RBM20: variants seen among roughly 807,000 people sequenced by gnomAD.
The protein encoded by RBM20 is RNA-binding protein 20.
In RBM20, 51 loss-of-function variants were observed where a neutral mutation model predicts 110.1. That is an observed-to-expected ratio of 0.46 (90% CI 0.37 to 0.59). The LOEUF (loss-of-function observed/expected upper bound fraction) is 0.59, where lower values mean the gene tolerates loss of function less well. Among genes scored for constraint, RBM20 ranks in the 20% least tolerant of loss-of-function variants. The probability of loss-of-function intolerance (pLI) is 0.00; values close to 1 mark genes in which losing one functional copy is unlikely to be tolerated. For synonymous variants in RBM20, 589 were observed against 618.2 expected, an observed-to-expected ratio of 0.95 and a Z score of 0.70; for missense variants, 1,512 against 1,574.9, an observed-to-expected ratio of 0.96 and a Z score of 0.68.
intron 3 of RBM20, 74 bp from the exon 4 acceptor site, chr10:110,784,267 G>A: frequency 8.8e-7 from 1 of 1,136,064 alleles, no homozygotes; most frequent in Non-Finnish European, 1.3e-6. Flanking sequence ...ACCTACGAGT[G>A]GAATTTCTGG....
chr10:110,684,424 C>CAAAACA (rs796315158), intron 1 of RBM20, among the ~76,000 whole-genome samples: 2 of 151,106 alleles, frequency 1.3e-5, no homozygotes, highest in African/African-American at 4.9e-5. Flanking sequence ...CAAAACAAAA[C>CAAAACA]AAAAGAAAAA....
At chr10:110,768,097 G>A (rs1370769673) in intron 1 of RBM20, among the ~76,000 whole-genome samples, 1 of 152,248 alleles carries the variant, frequency 6.6e-6, no homozygotes, top group Non-Finnish European at 1.5e-5. Flanking sequence ...AGGCGTGGCG[G>A]CGCGCGCCTG....
chr10:110,766,313 GT>G (rs113464457), intron 1 of RBM20, among the ~76,000 whole-genome samples: 31 of 120,594 alleles, frequency 2.6e-4, no homozygotes, highest in African/African-American at 5.4e-4. Flanking sequence ...CAGTAACTTT[GT>G]TTTTTTTTTT....
At chr10:110,773,788 G>C (rs778834726) in intron 1 of RBM20, among the ~76,000 whole-genome samples, 9 of 152,150 alleles carry the variant, frequency 5.9e-5, no homozygotes, top group Non-Finnish European at 1.0e-4. Flanking sequence ...CAGGCCTCTC[G>C]TGTCAGTTCT....
intron 1 of RBM20, among the ~76,000 whole-genome samples, chr10:110,656,819 C>T (rs2134815785): frequency 6.6e-6 from 1 of 152,284 alleles, no homozygotes; most frequent in Middle Eastern, 3.4e-3. Flanking sequence ...CTTTTCACTG[C>T]CGAATAATAC....
At chr10:110,803,487 T>C (rs1424230957) in intron 7 of RBM20, among the ~76,000 whole-genome samples, 1 of 152,200 alleles carries the variant, frequency 6.6e-6, no homozygotes, top group Non-Finnish European at 1.5e-5. Context: ...TGATTCAGCA[T>C]ATCTAGGGTA....
intron 1 of RBM20, among the ~76,000 whole-genome samples, chr10:110,709,970 C>G (rs1304166935): frequency 2.6e-5 from 4 of 151,968 alleles, no homozygotes; most frequent in Non-Finnish European, 4.4e-5. Context: ...CCCTTGGAGC[C>G]CCAGGGACTC....
chr10:110,823,769 G>C (rs1168339741), intron 12 of RBM20, among the ~76,000 whole-genome samples, 155 bp downstream of exon 12: 1 of 152,162 alleles, frequency 6.6e-6, no homozygotes, highest in Admixed American at 6.5e-5. Context: ...CCAGGCTGCA[G>C]TGCAGTGGCA....
Position 110,707,734 on chromosome 10 carries a change from AATG to A in RBM20, c.191+63093_191+63095del, listed in dbSNP as rs535935053. 1.5e-4 allele frequency among the ~76,000 whole-genome samples: 23 copies of A among 152,326 alleles called. No homozygotes were observed. In the South Asian group the frequency reaches 4.8e-3, roughly 32 times the overall value. ...AAACAACTGAACTCATAGAGAGTAA[AATG>A]ATGGTTACCAGAGGCTGGGAAGAGA... On this transcript the variant is annotated intron_variant, in intron 1 of 13. Coordinates refer to ENST00000369519, the MANE Select transcript of RBM20 (RefSeq NM_001134363.3).
intron 1 of RBM20, among the ~76,000 whole-genome samples, chr10:110,775,786 C>T (rs534058759): frequency 3.9e-5 from 6 of 152,098 alleles, no homozygotes; most frequent in African/African-American, 7.2e-5. Flanking sequence ...GTTAAATGCC[C>T]GTGGTTTACG....
rs770159277 is a variant in RBM20 at position 110,837,011 on chromosome 10, C to T, written c.*1033C>T. 1.3e-5 allele frequency: 2 copies of T among 152,226 alleles called. No homozygotes were observed. The highest frequency in any genetic ancestry group is 2.9e-5 in the Non-Finnish European group (2 of 68,046). The allele number at this position is 152,226 out of a possible 1,614,324, so 9.4% of individuals were successfully genotyped here. ...AAGGAAACATCATCTGTCCTTGATT[C>T]AGCCTTGGTGCCTGCACTCTGGGGT... On this transcript the variant is annotated 3_prime_UTR_variant, in exon 14 of 14. Coordinates refer to ENST00000369519, the MANE Select transcript of RBM20 (RefSeq NM_001134363.3).
At position 110,781,487 on chromosome 10, in the gene RBM20, C is replaced by A. The variant is rs1292081557; in HGVS notation, c.878C>A (p.Ala293Asp). Reference protein sequence around the residue: ...YGPNSQGSHVASGFPAEQAGG... With the variant: ...YGPNSQGSHVDSGFPAEQAGG... ...CCCAACTCCCAAGGTTCACATGTGG[C>A]CAGCGGATTTCCAGCTGAGCAGGCT... The change falls in exon 2 of 14, where the codon GCC becomes GAC. Residue 293 changes from alanine to aspartate, a missense_variant. Physicochemically the swap from Ala to Asp is moderately radical, Grantham distance 126. Transcript: ENST00000369519. 1 of 1,551,578 alleles carries A rather than the reference C, an allele frequency of 6.4e-7. No individual in the cohort carries two copies. Among genetic ancestry groups the A allele is most frequent in the South Asian group, 1.2e-5 (1 of 84,056 alleles).
upstream of RBM20, among the ~76,000 whole-genome samples, chr10:110,643,910 C>A (rs1230268236): frequency 6.6e-6 from 1 of 152,196 alleles, no homozygotes; most frequent in Non-Finnish European, 1.5e-5. Flanking sequence ...GCGGACGTCC[C>A]GGGCGCGCTC....
chr10:110,820,563 C>G (rs568845443), intron 10 of RBM20, among the ~76,000 whole-genome samples: 3 of 152,326 alleles, frequency 2.0e-5, no homozygotes, highest in Middle Eastern at 3.4e-3. Flanking sequence ...CAGGCCCAGA[C>G]CCTAGGATTA....
intron 13 of RBM20, chr10:110,835,340 T>TTTTTTTTTTTTTTTTTTC (rs1564669645): frequency 1.4e-4 from 3 of 21,790 alleles, no homozygotes; most frequent in Non-Finnish European, 3.4e-4. Context: ...TTTTTTTTTC[T>TTTTTTTTTTTTTTTTTTC]TTTTTTTTTT....
intron 1 of RBM20, among the ~76,000 whole-genome samples, chr10:110,666,788 G>A (rs1401635958): frequency 1.3e-5 from 2 of 152,152 alleles, no homozygotes; most frequent in African/African-American, 2.4e-5. Flanking sequence ...AACTATTGTA[G>A]GATTGTTTAG....
chr10:110,818,998 G>T (rs1013892184), intron 9 of RBM20, among the ~76,000 whole-genome samples: 5 of 152,222 alleles, frequency 3.3e-5, no homozygotes, highest in African/African-American at 1.2e-4. Flanking sequence ...GTAATAACTG[G>T]TGAAACCAGT....
chr10:110,652,408 C>T (rs1294880932), intron 1 of RBM20, among the ~76,000 whole-genome samples: 1 of 152,040 alleles, frequency 6.6e-6, no homozygotes, highest in Non-Finnish European at 1.5e-5. Context: ...TTTTAAAATT[C>T]AGTGAGCATG....
Position 110,780,956 on chromosome 10 carries a change from C to G in RBM20, c.347C>G (p.Ala116Gly). 1.3e-6 allele frequency: 2 copies of G among 1,551,722 alleles called. No homozygotes were observed. Among genetic ancestry groups the G allele is most frequent in the Non-Finnish European group, 1.7e-6 (2 of 1,146,984 alleles). Reference protein sequence around the residue: ...AQTAVTNNTAAATVLNQVLSK... With the variant: ...AQTAVTNNTAGATVLNQVLSK... The stretch of plus-strand genomic sequence containing the variant: ...ACAGCTGTCACCAACAACACTGCAG[C>G]CGCCACAGTCCTGAACCAAGTCCTC... Residue 116 changes from alanine (A) to glycine (G), a missense_variant, in exon 2 of 14, where the codon GCC becomes GGC. This residue lies in a region of RBM20 where 1,149 missense variants were observed against 1,169.4 expected (regional missense o/e 0.98). Transcript: ENST00000369519.
Sources: gnomAD v4.1 joint callset for allele counts (sites outside exome capture counted in the v4.1 genomes callset) on GRCh38, gnomAD v4.1.1 for gene constraint, gnomAD v4.1.1 regional missense constraint, MANE v1.5 for transcripts, NCBI Gene and HGNC (gene_info 2026-07-23, HGNC 2026-07-21) for gene names.